Variants in CASP1 observed in about 807,000 individuals in gnomAD.
CASP1 encodes caspase 1.
Under a neutral mutation model 41.2 loss-of-function variants are expected in CASP1, and 31 were observed. The observed-to-expected ratio is 0.75, with a 90% CI of 0.57 to 1.02. The LOEUF (loss-of-function observed/expected upper bound fraction) is 1.02, where lower values mean the gene tolerates loss of function less well. CASP1 is among the 50% of genes least tolerant of loss of function. The pLI, the probability that CASP1 is intolerant of heterozygous loss-of-function variation, is 0.00. For missense variants in CASP1, 490 were observed against 495.7 expected (o/e 0.99, Z 0.11); for synonymous variants, 163 against 166.5 (o/e 0.98, Z 0.16).
intron 1 of CASP1, 134 bp downstream of exon 1, chr11:105,034,973 C>T (rs1863936548): frequency 2.6e-6 from 3 of 1,171,048 alleles, no homozygotes; most frequent in East Asian, 2.3e-5. Flanking sequence ...TCCTTCTCTC[C>T]TCCCTCTCCC....
Position 105,026,507 on chromosome 11 carries a change from A to G in CASP1, c.1117-151T>C, listed in dbSNP as rs929266495. 4.9e-6 allele frequency: 3 copies of G among 617,108 alleles called. No homozygotes were observed. In the African/African-American group the frequency reaches 5.6e-5, roughly 11 times the overall value. 38.2% of individuals were successfully genotyped at this position (617,108 alleles called of 1,614,324 possible). On this transcript the variant is annotated intron_variant, in intron 8 of 8. Transcript: ENST00000533400. ...CCATCTGCAACAAGTATAACCATAT[A>G]TGTATGTAAGCATTGAATGACCCTC...
chr11:105,036,504 G>A (rs1312612224), upstream of CASP1, among the ~76,000 whole-genome samples: 3 of 152,034 alleles, frequency 2.0e-5, no homozygotes, highest in Admixed American at 2.0e-4. Context: ...TTGAATCATG[G>A]GTGCTGTTTT....
intron 1 of CASP1, 142 bp downstream of exon 1, chr11:105,034,965 C>T: frequency 2.8e-6 from 3 of 1,089,084 alleles, no homozygotes; most frequent in African/African-American, 1.6e-5. Flanking sequence ...CTTCTAGTTC[C>T]TTCTCTCCTC....
chr11:105,034,796 C>G, intron 1 of CASP1: 2 of 592,782 alleles, frequency 3.4e-6, no homozygotes, highest in Non-Finnish European at 5.9e-6. Context: ...ATTTAGGAAC[C>G]ACTGCTGCTA....
At chr11:105,035,027 AT>A (rs1863940532) in intron 1 of CASP1, 79 bp downstream of exon 1, 1 of 1,580,236 alleles carries the variant, frequency 6.3e-7, no homozygotes, top group African/African-American at 1.3e-5. Flanking sequence ...ACAGATGCTA[AT>A]TATGGCTTCC....
At chr11:105,035,616 CTGTT>C (rs1863972663), upstream of CASP1, among the ~76,000 whole-genome samples, 2 of 52,088 alleles carry the variant, frequency 3.8e-5, no homozygotes, top group Admixed American at 2.0e-4. Context: ...TTTTTTCTTT[CTGTT>C]TTTTTTTTTT....
chr11:105,031,324 G>T, intron 3 of CASP1, 44 bp from the exon 4 acceptor site: 4 of 1,130,036 alleles, frequency 3.5e-6, no homozygotes, highest in Non-Finnish European at 4.0e-6. Flanking sequence ...ATCCCTGTTT[G>T]TTCCACTTTG....
At chr11:105,036,292 C>G (rs1864015473), upstream of CASP1, among the ~76,000 whole-genome samples, 1 of 152,152 alleles carries the variant, frequency 6.6e-6, no homozygotes, top group African/African-American at 2.4e-5. Flanking sequence ...ATTCATTTAG[C>G]AAACATATAC....
At chr11:105,029,365 T>A (rs1863527579) in intron 6 of CASP1, 98 bp from the exon 7 acceptor site, 2 of 1,006,002 alleles carry the variant, frequency 2.0e-6, no homozygotes, top group African/African-American at 1.6e-5. Context: ...GTGTTTGCTC[T>A]ATCATTAATT....
chr11:105,035,616 C>CTTTCTTT (rs770202897), upstream of CASP1, among the ~76,000 whole-genome samples: 4 of 52,088 alleles, frequency 7.7e-5, 1 homozygote, highest in South Asian at 2.8e-3. Flanking sequence ...TTTTTTCTTT[C>CTTTCTTT]TGTTTTTTTT....
intron 2 of CASP1, 83 bp downstream of exon 2, chr11:105,034,125 A>G (rs1863869893): frequency 6.2e-7 from 1 of 1,609,928 alleles, no homozygotes; most frequent in Non-Finnish European, 8.5e-7. Flanking sequence ...TTTTCTTCCA[A>G]TTAACATGAC....
intron 5 of CASP1, among the ~76,000 whole-genome samples, 184 bp downstream of exon 5, chr11:105,030,146 C>T (rs900915602): frequency 6.6e-6 from 1 of 152,062 alleles, no homozygotes; most frequent in African/African-American, 2.4e-5. Flanking sequence ...TTCAGTTATA[C>T]CAGGCTTGTG....
At chr11:105,034,000 G>A in intron 2 of CASP1, 1 of 875,400 alleles carries the variant, frequency 1.1e-6, no homozygotes, top group Non-Finnish European at 1.9e-6. Context: ...CAGGAAATGA[G>A]CTTTAATCAG....
chr11:105,035,106 C>T lies in CASP1; in HGVS notation c.7+1G>A. The stretch of plus-strand genomic sequence containing the variant: ...TGTTCTTGGAACAGTAAAAGACTCA[C>T]CGGCCATGGCTTTTCTCTCCTCCCT... On this transcript the variant is annotated splice_donor_variant, in intron 1 of 8. Coordinates refer to ENST00000533400, the MANE Select transcript of CASP1 (RefSeq NM_001257118.3). LOFTEE classifies it high-confidence loss of function. 1.2e-6 allele frequency: 2 copies of T among 1,613,540 alleles called. No homozygotes were observed. The highest frequency in any genetic ancestry group is 1.8e-4 in the Middle Eastern group (1 of 5,632).
At chr11:105,026,596 C>T (rs1249166266) in intron 8 of CASP1, 6 of 599,704 alleles carry the variant, frequency 1.0e-5, no homozygotes, top group South Asian at 2.1e-5. Flanking sequence ...AAATTAGAGT[C>T]CATTCATTTG....
intron 2 of CASP1, chr11:105,033,996 A>G: frequency 1.2e-6 from 1 of 862,492 alleles, no homozygotes; most frequent in Non-Finnish European, 2.0e-6. Context: ...AGAACAGGAA[A>G]TGAGCTTTAA....
chr11:105,028,598 C>T (rs943690669), intron 7 of CASP1, among the ~76,000 whole-genome samples: 2 of 152,024 alleles, frequency 1.3e-5, no homozygotes, highest in African/African-American at 2.4e-5. Flanking sequence ...TTACAAAATA[C>T]TAAATGTCTG....
At chr11:105,029,607 G>T in intron 6 of CASP1, 58 bp downstream of exon 6, 1 of 1,258,398 alleles carries the variant, frequency 7.9e-7, no homozygotes, top group Non-Finnish European at 1.2e-6. Flanking sequence ...ATTCTTGGAT[G>T]CATACAGAGT....
At chr11:105,031,338 T>A (rs1253585063) in intron 3 of CASP1, 58 bp from the exon 4 acceptor site, 1 of 976,792 alleles carries the variant, frequency 1.0e-6, no homozygotes, top group South Asian at 1.3e-5. Context: ...CACTTTGTGT[T>A]TGTTACAGCC....
Sources: gnomAD v4.1 joint callset for allele counts (sites outside exome capture counted in the v4.1 genomes callset) on GRCh38, gnomAD v4.1.1 for gene constraint, MANE v1.5 for transcripts, NCBI Gene and HGNC (gene_info 2026-07-23, HGNC 2026-07-21) for gene names.